The following NPIPA5 variants were observed in gnomAD, a reference collection of about 807,000 sequenced individuals.
NPIPA5 encodes the protein nuclear pore complex-interacting protein family member A5.
NPIPA5 carries 6 observed loss-of-function variants against 21.4 expected under a neutral mutation model. The observed-to-expected ratio is 0.28, with a 90% CI of 0.15 to 0.55. NPIPA5 has a LOEUF of 0.55. Ranked by LOEUF, NPIPA5 falls within the 20% of genes least tolerant of loss-of-function variation. The pLI is 0.93. For synonymous variants in NPIPA5, 33 were observed against 115.3 expected (o/e 0.29, Z 4.57); for missense variants, 99 against 318.2 (o/e 0.31, Z 5.24).
intron 1 of NPIPA5, among the ~76,000 whole-genome samples, chr16:15,375,481 C>T (rs1324526105): frequency 2.6e-5 from 4 of 151,560 alleles, no homozygotes; most frequent in East Asian, 2.0e-4. Context: ...TGGTGGCTCA[C>T]GCCTGCAATC....
chr16:15,371,477 A>G (rs1395245054), intron 2 of NPIPA5, among the ~76,000 whole-genome samples: 1 of 148,858 alleles, frequency 6.7e-6, no homozygotes, highest in Non-Finnish European at 1.5e-5. Flanking sequence ...GATGTGGGTC[A>G]GATACCTATG....
upstream of NPIPA5, among the ~76,000 whole-genome samples, chr16:15,380,375 T>G (rs532357452): frequency 4.6e-5 from 7 of 151,446 alleles, no homozygotes; most frequent in East Asian, 1.4e-3. Context: ...CAGTCTGGAG[T>G]GCAATGGCGT....
At chr16:15,379,312 G>A (rs1319894388), upstream of NPIPA5, among the ~76,000 whole-genome samples, 1 of 152,180 alleles carries the variant, frequency 6.6e-6, no homozygotes, top group Non-Finnish European at 1.5e-5. Context: ...GCTCACACCT[G>A]TAATCCCACC....
At chr16:15,374,287 C>T (rs1247101515) in intron 1 of NPIPA5, among the ~76,000 whole-genome samples, 8 of 151,020 alleles carry the variant, frequency 5.3e-5, no homozygotes, top group African/African-American at 9.8e-5. Context: ...CAACCTCCAG[C>T]TCCTGGGCTC....
intron 2 of NPIPA5, among the ~76,000 whole-genome samples, chr16:15,370,487 C>A (rs1480991536): frequency 6.8e-6 from 1 of 146,010 alleles, no homozygotes. Context: ...CATGGTGGCT[C>A]ACTCCTGTAA....
chr16:15,368,226 C>T (rs1331341919), intron 4 of NPIPA5, among the ~76,000 whole-genome samples: 2 of 147,718 alleles, frequency 1.4e-5, no homozygotes, highest in Admixed American at 6.9e-5. Context: ...CCAATGAAAG[C>T]GACCCATACT....
At chr16:15,371,200 T>C (rs1241910300) in intron 2 of NPIPA5, among the ~76,000 whole-genome samples, 5 of 144,698 alleles carry the variant, frequency 3.5e-5, no homozygotes, top group African/African-American at 5.0e-5. Context: ...TTCAGCTCTC[T>C]GAGTTCTAGA....
At chr16:15,381,339 T>C (rs2150895594), upstream of NPIPA5, 1 of 343,246 alleles carries the variant, frequency 2.9e-6, no homozygotes, top group South Asian at 1.2e-4. Flanking sequence ...CTATAAAACA[T>C]CCAAGTCATT....
At chr16:15,376,686 G>A (rs936814741) in intron 1 of NPIPA5, among the ~76,000 whole-genome samples, 2 of 152,226 alleles carry the variant, frequency 1.3e-5, no homozygotes, top group African/African-American at 4.8e-5. Context: ...GGAGGCTGAG[G>A]CAGGCGGATC....
chr16:15,379,115 C>G (rs1017512104), upstream of NPIPA5, among the ~76,000 whole-genome samples: 16 of 152,194 alleles, frequency 1.1e-4, no homozygotes, highest in African/African-American at 3.9e-4. Flanking sequence ...TGCCCAAACT[C>G]TCTCAGGCCT....
intron 1 of NPIPA5, among the ~76,000 whole-genome samples, chr16:15,376,953 G>T (rs936948280): frequency 1.3e-5 from 2 of 152,124 alleles, no homozygotes; most frequent in African/African-American, 4.8e-5. Context: ...CAGCCTGGGC[G>T]ACAGAGTGAG....
chr16:15,370,770 G>A (rs1235262132), intron 2 of NPIPA5, among the ~76,000 whole-genome samples: 1 of 147,298 alleles, frequency 6.8e-6, no homozygotes, highest in African/African-American at 2.5e-5. Context: ...AAAAAAATAG[G>A]CCAGGTGCGG....
rs2050182171 is a variant in NPIPA5, at chr16:15,372,462, G to A, written c.192+1253C>T. On this transcript the variant is annotated intron_variant, in intron 2 of 7. Transcript: ENST00000360151. ...ATCACACCATTATACTCCAGCCTGG[G>A]CAACAGAGGGAGACTCCTCTTGGGG... Among the ~76,000 whole-genome samples the A allele has an allele frequency of 3.4e-5, 5 of 146,036 alleles. 1 individual carries two copies. The South Asian group carries it at 1.1e-3, about 33-fold the overall frequency.
At chr16:15,381,076 G>A (rs755130064), upstream of NPIPA5, 4 of 1,534,672 alleles carry the variant, frequency 2.6e-6, no homozygotes, top group Admixed American at 8.0e-5. Flanking sequence ...GGCTCATGAT[G>A]AGTGCCAACC....
intron 2 of NPIPA5, among the ~76,000 whole-genome samples, chr16:15,370,765 A>AAAAAAAAT (rs2050132933): frequency 7.0e-6 from 1 of 143,476 alleles, no homozygotes. Flanking sequence ...AAAAAAAAAA[A>AAAAAAAAT]ATAGGCCAGG....
intron 4 of NPIPA5, among the ~76,000 whole-genome samples, chr16:15,369,463 AG>A (rs1294397404): frequency 6.7e-6 from 1 of 148,792 alleles, no homozygotes; most frequent in Non-Finnish European, 1.5e-5. Context: ...AAAAAAAAAA[AG>A]AGAGAGAGAA....
chr16:15,381,568 C>A (rs2050433480), upstream of NPIPA5: 1 of 155,954 alleles, frequency 6.4e-6, no homozygotes, highest in South Asian at 2.0e-4. Flanking sequence ...TGCATGTGGG[C>A]TCCGGAGCCA....
At chr16:15,380,259 T>C (rs914838118), upstream of NPIPA5, among the ~76,000 whole-genome samples, 23 of 152,084 alleles carry the variant, frequency 1.5e-4, no homozygotes, top group East Asian at 2.5e-3. Context: ...TATTTCTTAT[T>C]ATGAGTCATG....
chr16:15,369,123 G>A (rs949651666), intron 4 of NPIPA5, among the ~76,000 whole-genome samples: 1 of 148,472 alleles, frequency 6.7e-6, no homozygotes, highest in African/African-American at 2.5e-5. Context: ...TAGCACTCCA[G>A]CCTGGGCGAC....
Sources: allele counts gnomAD v4.1 joint callset (sites outside exome capture counted in the v4.1 genomes callset), GRCh38; gene constraint gnomAD v4.1.1; transcripts MANE v1.5; gene names NCBI Gene and HGNC (gene_info 2026-07-23, HGNC 2026-07-21).